CFAP61: variants seen among roughly 807,000 people sequenced by gnomAD.
CFAP61 encodes the protein cilia and flagella associated protein 61.
CFAP61 carries 107 observed loss-of-function variants against 135.6 expected under a neutral mutation model. That is an observed-to-expected ratio of 0.79 (90% confidence interval 0.67 to 0.93). CFAP61 has a LOEUF of 0.93. Ranked by LOEUF, CFAP61 falls within the 40% of genes least tolerant of loss-of-function variation. CFAP61 has a pLI of 0.00. For synonymous variants in CFAP61, 575 were observed against 578.5 expected (o/e 0.99, Z 0.09); for missense variants, 1,507 against 1,556.2 (o/e 0.97, Z 0.53).
At chr20:20,262,794 C>A (rs979501841) in intron 20 of CFAP61, among the ~76,000 whole-genome samples, 162 bp from the exon 21 acceptor site, 12 of 120,230 alleles carry the variant, frequency 1.0e-4, no homozygotes, top group African/African-American at 4.3e-4. Flanking sequence ...CTCTTTCCAC[C>A]TGTTTTTGTG....
At chr20:20,203,238 T>C (rs2056709771) in intron 17 of CFAP61, among the ~76,000 whole-genome samples, 1 of 152,142 alleles carries the variant, frequency 6.6e-6, no homozygotes, top group Non-Finnish European at 1.5e-5. Context: ...CCTCAAAGAT[T>C]CATAGTAATG....
chr20:20,350,182 G>A (rs2058782266), intron 26 of CFAP61, among the ~76,000 whole-genome samples: 1 of 152,192 alleles, frequency 6.6e-6, no homozygotes, highest in African/African-American at 2.4e-5. Flanking sequence ...ACAAAACAAG[G>A]GGGGAAATAG....
At chr20:20,091,094 C>T (rs911578656) in intron 7 of CFAP61, 118 bp downstream of exon 7, 24 of 1,145,480 alleles carry the variant, frequency 2.1e-5, no homozygotes, top group Middle Eastern at 2.3e-4. Context: ...GCCACCCCGG[C>T]CCTCCCACTG....
chr20:20,195,770 A>T (rs1230353234), intron 15 of CFAP61, among the ~76,000 whole-genome samples: 1 of 152,210 alleles, frequency 6.6e-6, no homozygotes, highest in Non-Finnish European at 1.5e-5. Flanking sequence ...CCAGCCAGCC[A>T]TACATGTAAT....
At chr20:20,118,253 G>GTTCCTTCC (rs1201152599) in intron 8 of CFAP61, among the ~76,000 whole-genome samples, 4 of 138,532 alleles carry the variant, frequency 2.9e-5, no homozygotes, top group African/African-American at 8.2e-5. Flanking sequence ...TTTGAGGTAT[G>GTTCCTTCC]TTTCTTTCTT....
intron 20 of CFAP61, among the ~76,000 whole-genome samples, chr20:20,256,224 C>G (rs1422120143): frequency 1.3e-5 from 2 of 152,138 alleles, no homozygotes; most frequent in Non-Finnish European, 2.9e-5. Context: ...TTCTGACCAA[C>G]AAAATCATGG....
chr20:20,056,118 C>T lies in CFAP61; in HGVS notation c.-36-500C>T, dbSNP rs146879767. ...AAAGATGTTAATGGGCCTGGTGGCC[C>T]TTCAGGAAGCCTATTGCGAGCATTT... On this transcript the variant is annotated intron_variant, in intron 1 of 26. Coordinates refer to ENST00000245957, the MANE Select transcript of CFAP61 (RefSeq NM_015585.4). 758 of 790,696 alleles carry T rather than the reference C, an allele frequency of 9.6e-4. 7 individuals carry two copies. The East Asian group carries it at 0.015, about 15-fold the overall frequency. 49.0% of individuals were successfully genotyped at this position (790,696 alleles called of 1,614,324 possible).
intron 22 of CFAP61, among the ~76,000 whole-genome samples, chr20:20,280,865 G>T (rs1035324726): frequency 3.3e-5 from 5 of 152,106 alleles, no homozygotes; most frequent in Non-Finnish European, 7.3e-5. Context: ...GATACTCCAC[G>T]TTCTTGTCAG....
chr20:20,196,033 A>T (rs2056257950), intron 15 of CFAP61, among the ~76,000 whole-genome samples: 1 of 152,208 alleles, frequency 6.6e-6, no homozygotes, highest in Non-Finnish European at 1.5e-5. Context: ...GTGAGCGAAG[A>T]TCGCGCCAGT....
intron 2 of CFAP61, among the ~76,000 whole-genome samples, chr20:20,062,213 C>T (rs894450785): frequency 5.9e-5 from 9 of 152,116 alleles, no homozygotes; most frequent in African/African-American, 1.9e-4. Flanking sequence ...CTCACTGAGG[C>T]ACAAGACACA....
intron 25 of CFAP61, among the ~76,000 whole-genome samples, chr20:20,320,118 A>G (rs533560422): frequency 1.3e-5 from 2 of 151,600 alleles, no homozygotes; most frequent in East Asian, 3.9e-4. Flanking sequence ...ATTGCAAGAA[A>G]TAAAACTTGC....
chr20:20,358,152 A>AGT (rs2059334495), intron 26 of CFAP61, among the ~76,000 whole-genome samples: 1 of 137,054 alleles, frequency 7.3e-6, no homozygotes, highest in African/African-American at 2.8e-5. Context: ...AGGTGGTCAC[A>AGT]CTGAGGGGAG....
intron 8 of CFAP61, among the ~76,000 whole-genome samples, chr20:20,127,790 G>A (rs2050182439): frequency 6.6e-6 from 1 of 151,704 alleles, no homozygotes; most frequent in Non-Finnish European, 1.5e-5. Context: ...ACCAGGGTGG[G>A]TAGGGAAGGA....
intron 8 of CFAP61, among the ~76,000 whole-genome samples, chr20:20,099,908 C>A (rs559731041): frequency 2.6e-5 from 4 of 152,124 alleles, no homozygotes; most frequent in Non-Finnish European, 5.9e-5. Context: ...TAGACCTCAT[C>A]TGAACATACA....
chr20:20,237,936 A>G (rs975961853), intron 18 of CFAP61, among the ~76,000 whole-genome samples: 1 of 152,244 alleles, frequency 6.6e-6, no homozygotes, highest in Non-Finnish European at 1.5e-5. Flanking sequence ...GTTTACTCCA[A>G]CCACTACAGT....
intron 9 of CFAP61, among the ~76,000 whole-genome samples, chr20:20,147,817 C>A (rs141670781): frequency 5.3e-5 from 8 of 152,032 alleles, no homozygotes; most frequent in African/African-American, 1.7e-4. Context: ...GTCATGAATT[C>A]TTTGCCTAAG....
At chr20:20,213,443 T>A (rs1018313752) in intron 17 of CFAP61, among the ~76,000 whole-genome samples, 2 of 152,026 alleles carry the variant, frequency 1.3e-5, no homozygotes, top group African/African-American at 4.8e-5. Context: ...AGAACATGAA[T>A]TTAGAATTTC....
chr20:20,260,719 A>G (rs962956259), intron 20 of CFAP61, among the ~76,000 whole-genome samples: 5 of 152,238 alleles, frequency 3.3e-5, no homozygotes, highest in Admixed American at 1.3e-4. Context: ...ACTTGAAATG[A>G]TAACTCATTG....
intron 25 of CFAP61, among the ~76,000 whole-genome samples, chr20:20,319,501 A>G (rs1213597284): frequency 6.6e-6 from 1 of 152,158 alleles, no homozygotes; most frequent in East Asian, 1.9e-4. Flanking sequence ...GTGAGTTCTC[A>G]TGAGATGTGG....
Sources: allele counts gnomAD v4.1 joint callset (sites outside exome capture counted in the v4.1 genomes callset), GRCh38; gene constraint gnomAD v4.1.1; transcripts MANE v1.5; gene names NCBI Gene and HGNC (gene_info 2026-07-23, HGNC 2026-07-21).